The following CNTNAP2 variants were observed in gnomAD, a reference collection of about 807,000 sequenced individuals.
The protein encoded by CNTNAP2 is contactin associated protein 2, also known as contactin-associated protein-like 2.
CNTNAP2 carries 98 observed loss-of-function variants against 155.2 expected under a neutral mutation model. The ratio of observed to expected loss-of-function variants is 0.63; its 90% confidence interval spans 0.54 to 0.75. CNTNAP2 has a LOEUF of 0.75. Ranked by LOEUF, CNTNAP2 falls within the 30% of genes least tolerant of loss-of-function variation. The probability of loss-of-function intolerance (pLI) is 0.00; values close to 1 mark genes in which losing one functional copy is unlikely to be tolerated. For missense variants in CNTNAP2, 1,727 were observed against 1,688.1 expected (o/e 1.02, Z -0.40); for synonymous variants, 651 against 631.2 (o/e 1.03, Z -0.47).
intron 8 of CNTNAP2, among the ~76,000 whole-genome samples, chr7:147,270,338 C>CA (rs1334492799): frequency 1.3e-5 from 2 of 152,024 alleles, no homozygotes; most frequent in African/African-American, 4.8e-5. Flanking sequence ...CTTTGTATGA[C>CA]AAAAAAGGAT....
Position 147,978,006 on chromosome 7 carries a change from G to T in CNTNAP2, c.2383+17G>T. On this transcript the variant is annotated intron_variant, in intron 15 of 23. Coordinates refer to ENST00000361727, the MANE Select transcript of CNTNAP2 (RefSeq NM_014141.6). ...AAGGAGACAGTAAGTTTGCATAGCAGCTATGGCTTGCACTTTCTTATCCCA... is the reference window on the plus strand; with the variant it reads ...AAGGAGACAGTAAGTTTGCATAGCATCTATGGCTTGCACTTTCTTATCCCA... 6.2e-7 allele frequency: 1 copy of T among 1,613,694 alleles called. No homozygotes were observed. Among genetic ancestry groups the T allele is most frequent in the South Asian group, 1.1e-5 (1 of 91,062 alleles).
chr7:148,021,942 C>T (rs753892812), intron 15 of CNTNAP2, among the ~76,000 whole-genome samples: 13 of 152,156 alleles, frequency 8.5e-5, no homozygotes, highest in Non-Finnish European at 1.3e-4. Flanking sequence ...TACTTCGCTG[C>T]CTCCGTCTCC....
At chr7:148,140,173 G>A (rs1805031478) in intron 16 of CNTNAP2, among the ~76,000 whole-genome samples, 1 of 152,148 alleles carries the variant, frequency 6.6e-6, no homozygotes, top group Non-Finnish European at 1.5e-5. Flanking sequence ...ATAGATTCAG[G>A]AGCACATTTC....
intron 1 of CNTNAP2, among the ~76,000 whole-genome samples, chr7:146,666,040 A>T (rs1436344180): frequency 6.6e-6 from 1 of 152,038 alleles, no homozygotes; most frequent in African/African-American, 2.4e-5. Context: ...TATAAAGTAT[A>T]TGATTATTAA....
intron 3 of CNTNAP2, among the ~76,000 whole-genome samples, chr7:146,935,369 A>G (rs1796891336): frequency 6.6e-6 from 1 of 152,206 alleles, no homozygotes; most frequent in Admixed American, 6.5e-5. Flanking sequence ...ATTTTGATAG[A>G]TAAAATATGA....
At chr7:146,959,913 C>A (rs1797521662) in intron 3 of CNTNAP2, among the ~76,000 whole-genome samples, 1 of 152,096 alleles carries the variant, frequency 6.6e-6, no homozygotes, top group Non-Finnish European at 1.5e-5. Context: ...GGGATTCCAA[C>A]TTTAGACTAG....
At chr7:146,619,820 T>G (rs73470637) in intron 1 of CNTNAP2, among the ~76,000 whole-genome samples, 5,146 of 152,258 alleles carry the variant, frequency 0.034, 292 homozygotes, top group African/African-American at 0.12. Context: ...ATAGGTTTTC[T>G]CCATTCACTG....
chr7:146,268,778 C>A (rs1262764226), intron 1 of CNTNAP2, among the ~76,000 whole-genome samples: 2 of 152,132 alleles, frequency 1.3e-5, no homozygotes, highest in Non-Finnish European at 2.9e-5. Flanking sequence ...TAATATTTTA[C>A]CATGTTATCC....
chr7:146,700,308 G>A (rs1460045985), intron 1 of CNTNAP2, among the ~76,000 whole-genome samples: 1 of 152,098 alleles, frequency 6.6e-6, no homozygotes, highest in Non-Finnish European at 1.5e-5. Flanking sequence ...GGTTTGCCCT[G>A]TGATCCTGAT....
At chr7:148,118,412 A>G (rs781316310) in intron 16 of CNTNAP2, 124 bp downstream of exon 16, 2 of 1,073,224 alleles carry the variant, frequency 1.9e-6, no homozygotes, top group Admixed American at 4.0e-5. Context: ...CAGGAGCAGG[A>G]CTAGAGGTGG....
Position 147,020,642 on chromosome 7 carries a change from C to T in CNTNAP2, c.403-23265C>T, listed in dbSNP as rs1049722167. 2.6e-5 allele frequency among the ~76,000 whole-genome samples: 4 copies of T among 152,116 alleles called. No individual in the cohort carries two copies. The South Asian group carries it at 8.3e-4, about 31-fold the overall frequency. ...GCCCAGTTTGATAGGAAATTTAGAC[C>T]AATGAAATAACACAGCTCACCTCCT... On this transcript the variant is annotated intron_variant, in intron 3 of 23. Transcript: ENST00000361727.
At position 147,766,737 on chromosome 7, in the gene CNTNAP2, G is replaced by A. The variant is rs555440057; in HGVS notation, c.2098+127431G>A. Among the ~76,000 whole-genome samples the A allele has an allele frequency of 3.0e-4, 45 of 152,046 alleles. 1 individual carries two copies. Among genetic ancestry groups the A allele is most frequent in the Admixed American group, 5.9e-4 (9 of 15,258 alleles). On this transcript the variant is annotated intron_variant, in intron 13 of 23. Coordinates refer to ENST00000361727, the MANE Select transcript of CNTNAP2 (RefSeq NM_014141.6). ...CTTTTGTACAAAATTTCGAAGGAAC[G>A]GAAAATTTAATGCATTAAACTACAC... is the stretch of plus-strand genomic sequence containing the variant.
At chr7:147,859,422 CAA>C (rs35631450) in intron 13 of CNTNAP2, among the ~76,000 whole-genome samples, 69,066 of 129,742 alleles carry the variant, frequency 0.53, 17,171 homozygotes, top group South Asian at 0.71. Flanking sequence ...AGATCAAGAC[CAA>C]AAAAAAAAAA....
chr7:148,146,971 C>T (rs1276018253), intron 16 of CNTNAP2, among the ~76,000 whole-genome samples: 2 of 152,040 alleles, frequency 1.3e-5, no homozygotes, highest in African/African-American at 4.8e-5. Flanking sequence ...TTTTAAAATA[C>T]CAGTGCCAAC....
At chr7:146,384,785 G>A (rs1795437119) in intron 1 of CNTNAP2, among the ~76,000 whole-genome samples, 1 of 152,054 alleles carries the variant, frequency 6.6e-6, no homozygotes, top group Non-Finnish European at 1.5e-5. Context: ...TATGCCTTTT[G>A]TCTTCTGAAA....
chr7:147,572,855 A>G (rs1338018841), intron 12 of CNTNAP2, among the ~76,000 whole-genome samples: 2 of 152,288 alleles, frequency 1.3e-5, no homozygotes, highest in East Asian at 1.9e-4. Context: ...CTTAAAGCCA[A>G]TAATAACTGT....
intron 10 of CNTNAP2, among the ~76,000 whole-genome samples, chr7:147,453,205 A>G (rs986666877): frequency 2.0e-5 from 3 of 152,084 alleles, no homozygotes; most frequent in African/African-American, 7.2e-5. Context: ...ATAGCTGCCT[A>G]TTTATACCAA....
intron 12 of CNTNAP2, among the ~76,000 whole-genome samples, chr7:147,621,732 A>T (rs1794860597): frequency 6.6e-6 from 1 of 152,042 alleles, no homozygotes. Context: ...AAGACAAAAA[A>T]ACAACCAGAA....
At chr7:146,509,834 C>G (rs1326036758) in intron 1 of CNTNAP2, among the ~76,000 whole-genome samples, 1 of 152,184 alleles carries the variant, frequency 6.6e-6, no homozygotes, top group African/African-American at 2.4e-5. Flanking sequence ...GAAAGGCACA[C>G]TCCTTCTCAG....
Sources: allele counts gnomAD v4.1 joint callset (sites outside exome capture counted in the v4.1 genomes callset), GRCh38; gene constraint gnomAD v4.1.1; transcripts MANE v1.5; gene names NCBI Gene and HGNC (gene_info 2026-07-23, HGNC 2026-07-21).